Variants in CPSF6 observed in about 807,000 individuals in gnomAD.
CPSF6 encodes the protein cleavage and polyadenylation specificity factor subunit 6.
In CPSF6, 10 loss-of-function variants were observed where a neutral mutation model predicts 56.7. That is an observed-to-expected ratio of 0.18 (90% confidence interval 0.11 to 0.30). The LOEUF (loss-of-function observed/expected upper bound fraction) is 0.30. Ranked by LOEUF, CPSF6 falls within the 10% of genes least tolerant of loss-of-function variation. CPSF6 has a pLI of 1.00. For synonymous variants in CPSF6, 248 were observed against 244.8 expected (o/e 1.01, Z -0.12); for missense variants, 419 against 722.9 (o/e 0.58, Z 4.82).
chr12:69,243,266 A>G (rs751608759), intron 1 of CPSF6, among the ~76,000 whole-genome samples: 1 of 152,168 alleles, frequency 6.6e-6, no homozygotes. Flanking sequence ...CTGTGGTTTC[A>G]GTTACCCGTG....
chr12:69,245,270 C>T (rs1361366185), intron 1 of CPSF6, among the ~76,000 whole-genome samples: 2 of 151,956 alleles, frequency 1.3e-5, no homozygotes, highest in Non-Finnish European at 2.9e-5. Flanking sequence ...CGAGCCCAAA[C>T]GTGAGGAATG....
At chr12:69,267,016 G>A (rs750633443) in intron 9 of CPSF6, among the ~76,000 whole-genome samples, 4 of 152,004 alleles carry the variant, frequency 2.6e-5, no homozygotes, top group Admixed American at 6.5e-5. Context: ...CTCATATGTA[G>A]ATAATTATTT....
At chr12:69,255,886 T>C (rs1388072588) in intron 3 of CPSF6, among the ~76,000 whole-genome samples, 1 of 152,186 alleles carries the variant, frequency 6.6e-6, no homozygotes, top group Non-Finnish European at 1.5e-5. Flanking sequence ...CCCTAGTGGG[T>C]ATGGGGTGGT....
At chr12:69,261,521 T>C (rs1248132644) in intron 8 of CPSF6, among the ~76,000 whole-genome samples, 1 of 152,098 alleles carries the variant, frequency 6.6e-6, no homozygotes, top group Non-Finnish European at 1.5e-5. Context: ...ACTGTGATCA[T>C]GTCCCTGCAC....
In CPSF6 at chr12:69,258,679, C is replaced by G; in HGVS notation, c.784C>G (p.Pro262Ala). Reference sequence around the variant, plus strand: ...ACCTCCTGGTCAGGTTCTGCCTCCTCCTCTAGCTGGGCCTCCTAATCGAGG... The same window carrying G: ...ACCTCCTGGTCAGGTTCTGCCTCCTGCTCTAGCTGGGCCTCCTAATCGAGG... Reference protein sequence around the residue: ...PPPPGQVLPPPLAGPPNRGDR... With the variant: ...PPPPGQVLPPALAGPPNRGDR... The change falls in exon 6 of 10, where the codon CCT (proline) becomes GCT (alanine). Residue 262 changes from proline to alanine, a missense_variant. Transcript: ENST00000435070. This position sits in a 1 kb window ranked among gnomAD's most constrained non-coding sequence, Gnocchi z 4.2. 1 of 1,614,070 alleles carries G rather than the reference C, an allele frequency of 6.2e-7. No individual in the cohort carries two copies. The highest frequency in any genetic ancestry group is 1.3e-5 in the African/African-American group (1 of 74,994).
In CPSF6 at chr12:69,245,850, C is replaced by T. The variant is rs571388154; in HGVS notation, c.61-5279C>T. On this transcript the variant is annotated intron_variant, in intron 1 of 9. Transcript: ENST00000435070. ...CCTATAATTCCAGCAGTTTGGGAGG[C>T]TGAAGTAGGCGGATCACTTGAGGTC... Among the ~76,000 whole-genome samples the T allele has an allele frequency of 7.9e-5, 12 of 152,306 alleles. 1 individual carries two copies. In the South Asian group the frequency reaches 2.5e-3, roughly 32 times the overall value.
intron 9 of CPSF6, among the ~76,000 whole-genome samples, chr12:69,267,521 C>T (rs1359150134): frequency 5.3e-5 from 8 of 151,856 alleles, no homozygotes; most frequent in African/African-American, 1.7e-4. Context: ...ACATTGAAAA[C>T]ATGGACGTTG....
At chr12:69,247,872 G>A (rs1871998227) in intron 1 of CPSF6, among the ~76,000 whole-genome samples, 1 of 152,132 alleles carries the variant, frequency 6.6e-6, no homozygotes, top group Non-Finnish European at 1.5e-5. Context: ...AATGTATTCA[G>A]ATTCATTATG....
chr12:69,269,110 T>A (rs1873129710), intron 9 of CPSF6, among the ~76,000 whole-genome samples: 1 of 151,920 alleles, frequency 6.6e-6, no homozygotes, highest in Non-Finnish European at 1.5e-5. Context: ...TAAATGAGTT[T>A]ATAGACTTGA....
At chr12:69,264,232 G>A (rs1411553467) in intron 9 of CPSF6, among the ~76,000 whole-genome samples, 2 of 151,982 alleles carry the variant, frequency 1.3e-5, no homozygotes, top group Admixed American at 1.3e-4. Flanking sequence ...GGTTCTGTAA[G>A]TTACCTATTT....
intron 1 of CPSF6, among the ~76,000 whole-genome samples, chr12:69,246,138 T>C (rs1246065955): frequency 6.6e-6 from 1 of 152,182 alleles, no homozygotes; most frequent in Admixed American, 6.5e-5. Context: ...ATAGAGGCAG[T>C]AGTTGGAACA....
rs1873158649 is a variant in CPSF6 at position 69,269,811 on chromosome 12, A to G, written c.*303A>G. ...CCATTATGATGTGCAAGCAATTGGA[A>G]AAAAAGTCAAGTAAATGCTTGTTTT... On this transcript the variant is annotated 3_prime_UTR_variant, in exon 10 of 10. Coordinates refer to ENST00000435070, the MANE Select transcript of CPSF6 (RefSeq NM_007007.3). The G allele has an allele frequency of 5.5e-6, 1 of 181,378 alleles. No homozygotes were observed. Among genetic ancestry groups the G allele is most frequent in the South Asian group, 9.9e-5 (1 of 10,092 alleles). 11.2% of individuals were successfully genotyped at this position (181,378 alleles called of 1,614,324 possible).
In CPSF6 at chr12:69,268,494, A is replaced by G. The variant is rs1873098212; in HGVS notation, c.*4-1018A>G. Reference sequence around the variant, plus strand: ...AGAAGTAACTCTTAATTGTAGAGCAAAAAGTATTTTTCAGTTATTTTTATT... The same window carrying G: ...AGAAGTAACTCTTAATTGTAGAGCAGAAAGTATTTTTCAGTTATTTTTATT... On this transcript the variant is annotated intron_variant, in intron 9 of 9. Transcript: ENST00000435070. Among the ~76,000 whole-genome samples, 4 of 151,776 alleles carry G rather than the reference A, an allele frequency of 2.6e-5. No homozygotes were observed. In the South Asian group the frequency reaches 6.2e-4, roughly 24 times the overall value.
intron 1 of CPSF6, among the ~76,000 whole-genome samples, chr12:69,245,222 T>TGACTGA (rs1424603100): frequency 1.3e-5 from 2 of 152,182 alleles, no homozygotes; most frequent in African/African-American, 4.8e-5. Context: ...TTCTTTTATA[T>TGACTGA]GACTGAGAGC....
At chr12:69,249,800 C>T (rs1387964140) in intron 1 of CPSF6, among the ~76,000 whole-genome samples, 5 of 152,032 alleles carry the variant, frequency 3.3e-5, no homozygotes, top group Non-Finnish European at 7.4e-5. Flanking sequence ...ACAAATTGAA[C>T]CCTCTTCTAT....
chr12:69,242,426 A>G (rs1871674172), intron 1 of CPSF6, among the ~76,000 whole-genome samples: 1 of 152,224 alleles, frequency 6.6e-6, no homozygotes, highest in African/African-American at 2.4e-5. Context: ...GAAAAAAGTG[A>G]GGCATTCAAC....
At chr12:69,261,846 G>A (rs940021894) in intron 8 of CPSF6, among the ~76,000 whole-genome samples, 4 of 152,092 alleles carry the variant, frequency 2.6e-5, no homozygotes, top group African/African-American at 2.4e-5. Flanking sequence ...GGTCATAATT[G>A]TTAGCCCTCT....
intron 1 of CPSF6, among the ~76,000 whole-genome samples, 169 bp downstream of exon 1, chr12:69,239,875 A>G (rs1871509649): frequency 1.4e-5 from 2 of 146,118 alleles, no homozygotes; most frequent in African/African-American, 5.0e-5. Context: ...CCCTCGTTCT[A>G]CCGCGTCGTT....
chr12:69,261,552 G>A (rs1349707045), intron 8 of CPSF6, among the ~76,000 whole-genome samples: 2 of 152,144 alleles, frequency 1.3e-5, no homozygotes, highest in Admixed American at 6.5e-5. Context: ...GTGACAGAGA[G>A]AGAGAGAGAG....
Sources: gnomAD v4.1 joint callset for allele counts (sites outside exome capture counted in the v4.1 genomes callset) on GRCh38, gnomAD v4.1.1 for gene constraint, Gnocchi (gnomAD v3.1) non-coding constraint, MANE v1.5 for transcripts, NCBI Gene and HGNC (gene_info 2026-07-23, HGNC 2026-07-21) for gene names.